Variants in FAT3 observed in about 807,000 individuals in gnomAD.
FAT3 encodes the protein FAT atypical cadherin 3.
FAT3 carries 95 observed loss-of-function variants against 310.2 expected under a neutral mutation model. The observed-to-expected ratio is 0.31, with a 90% CI of 0.26 to 0.36. The LOEUF (loss-of-function observed/expected upper bound fraction) is 0.36. Among genes scored for constraint, FAT3 ranks in the 10% least tolerant of loss-of-function variants. The pLI is 1.00. For synonymous variants in FAT3, 2,314 were observed against 2,192.9 expected, an observed-to-expected ratio of 1.06 and a Z score of -1.54; for missense variants, 5,408 against 5,715.6, an observed-to-expected ratio of 0.95 and a Z score of 1.74.
chr11:92,679,480 T>C (rs1943401638), intron 3 of FAT3, among the ~76,000 whole-genome samples: 2 of 152,244 alleles, frequency 1.3e-5, no homozygotes, highest in Non-Finnish European at 2.9e-5. Flanking sequence ...TTTGTTTTTT[T>C]AATAATAGCC....
intron 21 of FAT3, among the ~76,000 whole-genome samples, chr11:92,865,692 A>G (rs1369794666): frequency 6.6e-6 from 1 of 152,210 alleles, no homozygotes; most frequent in Non-Finnish European, 1.5e-5. Flanking sequence ...TTTCTGAGAA[A>G]TGTAGAACAA....
intron 7 of FAT3, among the ~76,000 whole-genome samples, chr11:92,784,510 T>G (rs1430346367): frequency 6.6e-6 from 1 of 152,178 alleles, no homozygotes; most frequent in East Asian, 1.9e-4. Context: ...CTACCCAGAC[T>G]TAGCTTAGAA....
Position 92,348,293 on chromosome 11 carries a change from A to G in FAT3, c.-17-3803A>G, listed in dbSNP as rs16917406. 4.5e-3 allele frequency among the ~76,000 whole-genome samples: 682 copies of G among 152,268 alleles called. 9 individuals carry two copies. The highest frequency in any genetic ancestry group is 0.016 in the African/African-American group (645 of 41,536). On this transcript the variant is annotated intron_variant, in intron 1 of 27. Transcript: ENST00000525166. ...ACTACTCCATTTATGCTTGTTTTGA[A>G]ATATTTTCTATTTGCATTTAAGACC...
intron 2 of FAT3, among the ~76,000 whole-genome samples, chr11:92,510,435 C>T (rs771044460): frequency 1.2e-4 from 18 of 152,118 alleles, no homozygotes; most frequent in Admixed American, 2.6e-4. Flanking sequence ...AAACAGAGTG[C>T]AAGCTGTACA....
intron 3 of FAT3, among the ~76,000 whole-genome samples, chr11:92,668,845 A>G (rs893045920): frequency 6.6e-6 from 1 of 152,198 alleles, no homozygotes; most frequent in Admixed American, 6.5e-5. Flanking sequence ...CTGTGGTGCC[A>G]CTTCAGCATT....
At chr11:92,324,511 A>G (rs1471919397) in intron 1 of FAT3, among the ~76,000 whole-genome samples, 2 of 152,202 alleles carry the variant, frequency 1.3e-5, no homozygotes, top group Admixed American at 6.5e-5. Flanking sequence ...AGACCACAGT[A>G]TTTATCAATT....
intron 2 of FAT3, among the ~76,000 whole-genome samples, chr11:92,384,897 C>T (rs530750853): frequency 5.9e-5 from 9 of 152,276 alleles, no homozygotes; most frequent in East Asian, 3.9e-4. Flanking sequence ...CTTGCTTCCA[C>T]GGAGCTGCTG....
At chr11:92,721,419 T>C (rs953258624) in intron 4 of FAT3, among the ~76,000 whole-genome samples, 5 of 152,198 alleles carry the variant, frequency 3.3e-5, no homozygotes, top group African/African-American at 1.2e-4. Flanking sequence ...GGTATATAAA[T>C]TGTATCTCAG....
chr11:92,330,816 T>G (rs967326927), intron 1 of FAT3, among the ~76,000 whole-genome samples: 2 of 152,204 alleles, frequency 1.3e-5, no homozygotes, highest in African/African-American at 4.8e-5. Flanking sequence ...ATTAGCACTT[T>G]GGAAGGAAAG....
intron 1 of FAT3, among the ~76,000 whole-genome samples, chr11:92,306,551 GTTATATATATTTATATTATATA>G (rs1565214484): frequency 2.1e-4 from 23 of 108,196 alleles, no homozygotes; most frequent in African/African-American, 6.9e-4. Context: ...TATTATATAT[GTTATATATATTTATATTATATA>G]TTATATATAT....
chr11:92,794,870 G>A (rs1018364797), intron 9 of FAT3, among the ~76,000 whole-genome samples: 2 of 152,216 alleles, frequency 1.3e-5, no homozygotes, highest in African/African-American at 4.8e-5. Flanking sequence ...ACTGGTCCTA[G>A]AGGAGCAAGT....
At chr11:92,618,960 A>G (rs947823700) in intron 3 of FAT3, among the ~76,000 whole-genome samples, 10 of 152,302 alleles carry the variant, frequency 6.6e-5, no homozygotes, top group Admixed American at 5.9e-4. Flanking sequence ...ACCACTAAGT[A>G]TAATTTAGCT....
chr11:92,521,890 C>T (rs915025810), intron 2 of FAT3, among the ~76,000 whole-genome samples: 7 of 152,126 alleles, frequency 4.6e-5, no homozygotes, highest in South Asian at 2.1e-4. Flanking sequence ...CCTAGTATAT[C>T]GGTCTAAACC....
chr11:92,840,112 C>A (rs1351304950), intron 17 of FAT3, among the ~76,000 whole-genome samples: 3 of 152,124 alleles, frequency 2.0e-5, no homozygotes, highest in Non-Finnish European at 4.4e-5. Flanking sequence ...CCCAAAAAAT[C>A]TAATGCTGTG....
chr11:92,874,600 C>T (rs1479552690), intron 22 of FAT3, among the ~76,000 whole-genome samples: 2 of 152,306 alleles, frequency 1.3e-5, no homozygotes, highest in East Asian at 1.9e-4. Flanking sequence ...AGTGCAATGG[C>T]GTGATCTCGG....
Position 92,645,857 on chromosome 11 carries a change from C to T in FAT3, c.3608-51527C>T, listed in dbSNP as rs189094233. ...CTCATTCATTTCATTTTATCTCCAG[C>T]TCCTACAACATTGCCTTGTACATGG... On this transcript the variant is annotated intron_variant, in intron 3 of 27. Transcript: ENST00000525166. 2.5e-3 allele frequency among the ~76,000 whole-genome samples: 388 copies of T among 152,332 alleles called. 1 individual carries two copies. Among genetic ancestry groups the T allele is most frequent in the African/African-American group, 8.8e-3 (364 of 41,576 alleles).
intron 4 of FAT3, among the ~76,000 whole-genome samples, chr11:92,734,272 C>G (rs548849611): frequency 6.6e-6 from 1 of 152,086 alleles, no homozygotes; most frequent in Non-Finnish European, 1.5e-5. Flanking sequence ...TGTGTCAGTG[C>G]GATACCACAT....
chr11:92,582,987 A>G (rs529771516), intron 3 of FAT3, among the ~76,000 whole-genome samples: 1 of 151,826 alleles, frequency 6.6e-6, no homozygotes, highest in South Asian at 2.1e-4. Context: ...ATCTTTTAAC[A>G]GTTTTTTGTT....
chr11:92,681,564 T>G (rs1943481095), intron 3 of FAT3, among the ~76,000 whole-genome samples: 1 of 152,162 alleles, frequency 6.6e-6, no homozygotes, highest in African/African-American at 2.4e-5. Flanking sequence ...GTGTAAAGAC[T>G]TTGCTTTCAG....
Sources: allele counts gnomAD v4.1 joint callset (sites outside exome capture counted in the v4.1 genomes callset), GRCh38; gene constraint gnomAD v4.1.1; transcripts MANE v1.5; gene names NCBI Gene and HGNC (gene_info 2026-07-23, HGNC 2026-07-21).